Variants in CGNL1 observed in about 807,000 individuals in gnomAD.
CGNL1 encodes the protein cingulin-like protein 1.
Under a neutral mutation model 141.2 loss-of-function variants are expected in CGNL1, and 132 were observed. The observed-to-expected ratio is 0.93, with a 90% CI of 0.81 to 1.08. The LOEUF is 1.08. Ranked by LOEUF, CGNL1 falls within the 50% of genes least tolerant of loss-of-function variation. The pLI, the probability that CGNL1 is intolerant of heterozygous loss-of-function variation, is 0.00. For missense variants in CGNL1, 1,870 were observed against 1,588.6 expected, an observed-to-expected ratio of 1.18 and a Z score of -3.01; for synonymous variants, 690 against 622.1, an observed-to-expected ratio of 1.11 and a Z score of -1.63.
At chr15:57,517,037 T>C (rs1412286008) in intron 9 of CGNL1, 51 bp downstream of exon 9, 3 of 1,545,332 alleles carry the variant, frequency 1.9e-6, no homozygotes, top group African/African-American at 1.4e-5. Flanking sequence ...GCTCCTTCTT[T>C]CCTGTGTAAG....
chr15:57,465,094 C>T (rs932518411), intron 8 of CGNL1, among the ~76,000 whole-genome samples: 7 of 152,004 alleles, frequency 4.6e-5, no homozygotes, highest in East Asian at 3.9e-4. Context: ...TGTTTTTTCA[C>T]CATATTAGCT....
intron 8 of CGNL1, among the ~76,000 whole-genome samples, chr15:57,505,670 C>T (rs1453501935): frequency 1.3e-5 from 2 of 152,194 alleles, no homozygotes; most frequent in Admixed American, 6.5e-5. Context: ...CTCTTGCCTA[C>T]CGAGACCATG....
chr15:57,405,791 TTTCTTTCTTTCTTTCTTTCC>T (rs1193183318), intron 1 of CGNL1, among the ~76,000 whole-genome samples: 91 of 127,618 alleles, frequency 7.1e-4, no homozygotes, highest in Admixed American at 3.6e-3. Context: ...TCTTTCTTTC[TTTCTTTCTTTCTTTCTTTCC>T]TTCTTTCTTT....
chr15:57,423,362 G>C (rs1444068425), intron 1 of CGNL1, among the ~76,000 whole-genome samples: 9 of 152,230 alleles, frequency 5.9e-5, no homozygotes, highest in Admixed American at 5.9e-4. Flanking sequence ...TCCCTGGAGA[G>C]AGGAAATAAA....
intron 8 of CGNL1, among the ~76,000 whole-genome samples, chr15:57,499,238 C>CTTTTTTTTT (rs201081475): frequency 1.1e-5 from 1 of 91,846 alleles, no homozygotes; most frequent in Non-Finnish European, 2.1e-5. Flanking sequence ...AAGTTAATGG[C>CTTTTTTTTT]TTTTTTTTTT....
At chr15:57,529,356 A>G (rs2031813900) in intron 13 of CGNL1, among the ~76,000 whole-genome samples, 1 of 152,198 alleles carries the variant, frequency 6.6e-6, no homozygotes, top group Admixed American at 6.5e-5. Context: ...AGTCCAAGAC[A>G]GCATATCAGA....
At position 57,439,399 on chromosome 15, in the gene CGNL1, A is replaced by C. The variant is rs755642103; in HGVS notation, c.1400A>C (p.Asp467Ala). The C allele has an allele frequency of 1.2e-6, 2 of 1,614,166 alleles. No homozygotes were observed. The highest frequency in any genetic ancestry group is 2.2e-5 in the South Asian group (2 of 91,086). The stretch of plus-strand genomic sequence containing the variant: ...TCCAGGCCTCCCCAGCCGAACATAG[A>C]TGGGAAAGTTCTGGAAACCGAAGGT... ...AHSRPPQPNI[D>A]GKVLETEGSQ... Residue 467 changes from aspartate to alanine, a missense_variant, in exon 2 of 19, where the codon GAT (aspartate) becomes GCT (alanine). By Grantham distance (126) the Asp-to-Ala change is moderately radical. Transcript: ENST00000281282.
At chr15:57,410,696 C>T (rs144144324) in intron 1 of CGNL1, among the ~76,000 whole-genome samples, 15 of 152,322 alleles carry the variant, frequency 9.8e-5, no homozygotes, top group African/African-American at 3.4e-4. Flanking sequence ...GCTATATTAT[C>T]TGCTAAACTA....
At chr15:57,476,771 A>G (rs2063662677) in intron 8 of CGNL1, among the ~76,000 whole-genome samples, 1 of 152,236 alleles carries the variant, frequency 6.6e-6, no homozygotes, top group Non-Finnish European at 1.5e-5. Flanking sequence ...GTTTAGTTTC[A>G]TGAAAGACAA....
At chr15:57,458,336 GT>G (rs1191844691) in intron 7 of CGNL1, among the ~76,000 whole-genome samples, 6 of 152,138 alleles carry the variant, frequency 3.9e-5, no homozygotes, top group Non-Finnish European at 7.3e-5. Context: ...ATGGAGTGAA[GT>G]TTATGAAACA....
intron 8 of CGNL1, among the ~76,000 whole-genome samples, chr15:57,507,063 C>G (rs530162634): frequency 2.2e-4 from 33 of 152,308 alleles, no homozygotes; most frequent in African/African-American, 7.9e-4. Context: ...CTAAATGAAG[C>G]CCCTTTCATC....
Position 57,438,896 on chromosome 15 carries a change from A to C in CGNL1, c.897A>C (p.Ser299=). The change falls in exon 2 of 19, where the codon TCA becomes TCC. Residue 299 remains serine (S), a synonymous_variant. Transcript: ENST00000281282. ...DGARSRRSSS[S]STTPTSANSL... is the part of the protein sequence containing the mutation. The stretch of plus-strand genomic sequence containing the variant: ...CTCGGTCCCGGAGGTCCTCCTCGTC[A>C]TCCACAACTCCCACGTCAGCCAACT... 1 of 1,614,182 alleles carries C rather than the reference A, an allele frequency of 6.2e-7. No individual in the cohort carries two copies. Among genetic ancestry groups the C allele is most frequent in the Non-Finnish European group, 8.5e-7 (1 of 1,180,030 alleles).
intron 8 of CGNL1, among the ~76,000 whole-genome samples, chr15:57,473,899 C>CTTCTTTTTTTTTTTT: frequency 1.4e-5 from 1 of 70,668 alleles, no homozygotes. Flanking sequence ...TCTTCTTCTT[C>CTTCTTTTTTTTTTTT]TTTTTTTTTT....
At chr15:57,377,946 A>G (rs2062383589) in intron 1 of CGNL1, among the ~76,000 whole-genome samples, 3 of 152,362 alleles carry the variant, frequency 2.0e-5, no homozygotes, top group East Asian at 1.9e-4. Flanking sequence ...TCCTTCAAAA[A>G]GCCAAAGCTA....
chr15:57,531,852 C>A, intron 14 of CGNL1, 73 bp downstream of exon 14: 1 of 957,018 alleles, frequency 1.0e-6, no homozygotes, highest in Non-Finnish European at 1.7e-6. Context: ...AATCCTGGGG[C>A]TTCAGTTAAG....
chr15:57,417,870 T>C (rs1441725999), intron 1 of CGNL1, among the ~76,000 whole-genome samples: 7 of 152,152 alleles, frequency 4.6e-5, no homozygotes, highest in African/African-American at 1.4e-4. Flanking sequence ...TAGGGAGGTG[T>C]TTCCTGGGTA....
Position 57,438,715 on chromosome 15 carries a change from G to C in CGNL1, c.716G>C (p.Ser239Thr), listed in dbSNP as rs773600425. The C allele has an allele frequency of 6.8e-6, 11 of 1,614,172 alleles. No individual in the cohort carries two copies. The highest frequency in any genetic ancestry group is 9.3e-6 in the Non-Finnish European group (11 of 1,180,044). ...KQTSVCVNVQ[S>T]CTKERVGEEA... is the part of the protein sequence containing the mutation. ...ACCTCAGTGTGTGTAAACGTTCAGA[G>C]CTGCACCAAGGAGAGGGTGGGAGAG... The change falls in exon 2 of 19, where the codon AGC (serine) becomes ACC (threonine). Residue 239 changes from serine (S) to threonine (T), a missense_variant. Ser to Thr is a moderately conservative substitution (Grantham distance 58, BLOSUM62 1). Coordinates refer to ENST00000281282, the MANE Select transcript of CGNL1 (RefSeq NM_032866.5).
chr15:57,516,016 A>G (rs1016817966), intron 8 of CGNL1, among the ~76,000 whole-genome samples: 11 of 151,774 alleles, frequency 7.2e-5, no homozygotes, highest in African/African-American at 2.4e-4. Context: ...AAAATTAGCC[A>G]GGCGTGGTGG....
chr15:57,419,208 C>T (rs1247470979), intron 1 of CGNL1, among the ~76,000 whole-genome samples: 1 of 152,128 alleles, frequency 6.6e-6, no homozygotes, highest in African/African-American at 2.4e-5. Context: ...GACAGTAAGG[C>T]GTGAGCCACC....
Sources: gnomAD v4.1 joint callset for allele counts (sites outside exome capture counted in the v4.1 genomes callset) on GRCh38, gnomAD v4.1.1 for gene constraint, MANE v1.5 for transcripts, NCBI Gene and HGNC (gene_info 2026-07-23, HGNC 2026-07-21) for gene names.